ANKRD62: variants seen among roughly 807,000 people sequenced by gnomAD.
ANKRD62 encodes ankyrin repeat domain-containing protein 62.
ANKRD62 carries 61 observed loss-of-function variants against 98.8 expected under a neutral mutation model. The observed-to-expected ratio is 0.62, with a 90% CI of 0.50 to 0.76. The LOEUF (loss-of-function observed/expected upper bound fraction) is 0.76. Ranked by LOEUF, ANKRD62 falls within the 30% of genes least tolerant of loss-of-function variation. The pLI is 0.00. For synonymous variants in ANKRD62, 341 were observed against 367.9 expected (o/e 0.93, Z 0.84); for missense variants, 933 against 1,082.9 (o/e 0.86, Z 1.94).
At chr18:12,137,071 C>G in the ANKRD62 span, among the ~76,000 whole-genome samples, 1 of 152,152 alleles carries the variant, frequency 6.6e-6, no homozygotes, top group Non-Finnish European at 1.5e-5. Context: ...CTGGCCAGAA[C>G]TTCCAACACT....
At chr18:12,179,436 G>C in the ANKRD62 span, among the ~76,000 whole-genome samples, 8 of 138,018 alleles carry the variant, frequency 5.8e-5, no homozygotes, top group Non-Finnish European at 1.2e-4. Flanking sequence ...TCATGACAGA[G>C]AGATGACCTT....
the ANKRD62 span, among the ~76,000 whole-genome samples, chr18:12,151,384 T>G: frequency 6.6e-6 from 1 of 151,964 alleles, no homozygotes; most frequent in African/African-American, 2.4e-5. Flanking sequence ...AGGGAGAAAA[T>G]TAACAAAGGT....
the ANKRD62 span, among the ~76,000 whole-genome samples, chr18:12,136,545 A>G: frequency 6.6e-6 from 1 of 152,126 alleles, no homozygotes; most frequent in Non-Finnish European, 1.5e-5. Flanking sequence ...TTGGTTCCAT[A>G]TGAACTTTAA....
At chr18:12,139,673 C>A in the ANKRD62 span, among the ~76,000 whole-genome samples, 5 of 152,038 alleles carry the variant, frequency 3.3e-5, no homozygotes, top group East Asian at 7.8e-4. Context: ...TGAGTATTGG[C>A]CCCCACTCTC....
At chr18:12,173,294 G>A in the ANKRD62 span, among the ~76,000 whole-genome samples, 1 of 152,178 alleles carries the variant, frequency 6.6e-6, no homozygotes, top group African/African-American at 2.4e-5. Flanking sequence ...AGTCTGTTTT[G>A]TCTGAAACTC....
chr18:12,145,952 C>T, the ANKRD62 span, among the ~76,000 whole-genome samples: 473 of 152,236 alleles, frequency 3.1e-3, 3 homozygotes, highest in African/African-American at 9.9e-3. Context: ...GGGTCTCCAG[C>T]CACCCGCACC....
chr18:12,101,915 A>G lies in ANKRD62; in HGVS notation c.821-1243A>G. ...GGACTTACCCTGTTATTTCTTCCTT[A>G]TTGTGAGTTGAATGGCATGACAAAG... On this transcript the variant is annotated intron_variant, in intron 6 of 13. Transcript: ENST00000587848. 3.9e-6 allele frequency: 3 copies of G among 766,246 alleles called. No individual in the cohort carries two copies. In the South Asian group the frequency reaches 4.1e-5, roughly 11 times the overall value. 47.5% of individuals were successfully genotyped at this position (766,246 alleles called of 1,614,324 possible). A position where few individuals can be genotyped will look rare whatever the true frequency, so the allele number is the denominator to read the frequency against.
chr18:12,126,009 A>G lies in ANKRD62; in HGVS notation c.2188A>G (p.Lys730Glu), dbSNP rs911137968. ...LHYEREALKE[K>E]TLHIEHMQGV... ...TTATGAAAGAGAGGCTCTCAAAGAA[A>G]AGACGTTGCATATAGAACACATGCA... Residue 730 changes from lysine (K) to glutamate (E), a missense_variant, in exon 13 of 14, where the codon AAG becomes GAG. By Grantham distance (56) the Lys-to-Glu change is moderately conservative (BLOSUM62 1). This residue lies in a region of ANKRD62 where 362 missense variants were observed against 434.5 expected (regional missense o/e 0.83). Transcript: ENST00000587848. The G allele has an allele frequency of 1.4e-5, 21 of 1,536,474 alleles. No homozygotes were observed. Among genetic ancestry groups the G allele is most frequent in the Non-Finnish European group, 1.8e-5 (21 of 1,146,936 alleles).
the ANKRD62 span, among the ~76,000 whole-genome samples, chr18:12,181,345 T>C: frequency 6.6e-6 from 1 of 152,198 alleles, no homozygotes; most frequent in African/African-American, 2.4e-5. Context: ...ATTATTGCAA[T>C]AGATACGGAA....
At chr18:12,132,264 T>C (rs1220968455), downstream of ANKRD62, among the ~76,000 whole-genome samples, 1 of 152,218 alleles carries the variant, frequency 6.6e-6, no homozygotes, top group African/African-American at 2.4e-5. Context: ...TTTTTATATA[T>C]TGATCATGTA....
At chr18:12,102,807 G>T in intron 6 of ANKRD62, 7 of 972,068 alleles carry the variant, frequency 7.2e-6, no homozygotes, top group Non-Finnish European at 7.4e-6. Flanking sequence ...AGGAAGTAAA[G>T]AACAATATGT....
chr18:12,152,177 C>CAAAAAAAAAAA, the ANKRD62 span, among the ~76,000 whole-genome samples: 1 of 68,258 alleles, frequency 1.5e-5, no homozygotes, highest in African/African-American at 5.5e-5. Flanking sequence ...GAAATGCTTC[C>CAAAAAAAAAAA]AAAAAAAAAA....
At chr18:12,133,247 G>C (rs996207641), downstream of ANKRD62, among the ~76,000 whole-genome samples, 1 of 152,132 alleles carries the variant, frequency 6.6e-6, no homozygotes, top group Non-Finnish European at 1.5e-5. Context: ...GCATGTATCA[G>C]TAGTTTATTT....
chr18:12,171,672 T>C, the ANKRD62 span, among the ~76,000 whole-genome samples: 1 of 152,216 alleles, frequency 6.6e-6, no homozygotes, highest in African/African-American at 2.4e-5. Flanking sequence ...TTTCCTGAAT[T>C]TGAATGTTGG....
intron 7 of ANKRD62, among the ~76,000 whole-genome samples, chr18:12,104,272 C>T (rs1050390252): frequency 6.6e-6 from 1 of 152,008 alleles, no homozygotes; most frequent in African/African-American, 2.4e-5. Context: ...TTTTTGGTTA[C>T]AAGACAGTAA....
the ANKRD62 span, among the ~76,000 whole-genome samples, chr18:12,150,824 C>T: frequency 1.3e-5 from 2 of 152,148 alleles, no homozygotes; most frequent in South Asian, 4.1e-4. Context: ...AGAAAGACCA[C>T]CACCAGCTAG....
chr18:12,115,622 A>T lies in ANKRD62; in HGVS notation c.1240+88A>T, dbSNP rs1027141087. The stretch of plus-strand genomic sequence containing the variant: ...CTTAGCACGGCACCATAGAACACTG[A>T]TGTGTTATAGGGATGTTCATCTCGG... On this transcript the variant is annotated intron_variant, in intron 10 of 13. Coordinates refer to ENST00000587848, the MANE Select transcript of ANKRD62 (RefSeq NM_001277333.2). The T allele has an allele frequency of 1.5e-5, 18 of 1,188,888 alleles. No individual in the cohort carries two copies. The African/African-American group carries it at 2.2e-4, about 14-fold the overall frequency. The allele number at this position is 1,188,888 out of a possible 1,614,324, so 73.6% of individuals were successfully genotyped here. A position where few individuals can be genotyped will look rare whatever the true frequency, so the allele number is the denominator to read the frequency against.
chr18:12,152,200 A>AT, the ANKRD62 span, among the ~76,000 whole-genome samples: 1 of 149,720 alleles, frequency 6.7e-6, no homozygotes, highest in Non-Finnish European at 1.5e-5. Context: ...AAAAAAAAAA[A>AT]ACTGAGGAGG....
At chr18:12,134,522 A>T, downstream of ANKRD62, among the ~76,000 whole-genome samples, 1 of 151,732 alleles carries the variant, frequency 6.6e-6, no homozygotes, top group East Asian at 1.9e-4. Flanking sequence ...TATCCCTCCC[A>T]CCTACTCCCA....
Sources: allele counts gnomAD v4.1 joint callset (sites outside exome capture counted in the v4.1 genomes callset), GRCh38; gene constraint gnomAD v4.1.1; regional missense constraint gnomAD v4.1.1; transcripts MANE v1.5; gene names NCBI Gene and HGNC (gene_info 2026-07-23, HGNC 2026-07-21).